TACC2: variants seen among roughly 807,000 people sequenced by gnomAD.
TACC2 encodes the protein transforming acidic coiled-coil containing protein 2.
In TACC2, 137 loss-of-function variants were observed where a neutral mutation model predicts 227.3. The observed-to-expected ratio is 0.60, with a 90% CI of 0.52 to 0.69. The LOEUF (loss-of-function observed/expected upper bound fraction) is 0.69, where lower values mean the gene tolerates loss of function less well. Ranked by LOEUF, TACC2 falls within the 30% of genes least tolerant of loss-of-function variation. The pLI is 0.00. For missense variants in TACC2, 3,470 were observed against 3,694.4 expected, an observed-to-expected ratio of 0.94 and a Z score of 1.57; for synonymous variants, 1,523 against 1,487.5, an observed-to-expected ratio of 1.02 and a Z score of -0.55.
chr10:122,089,092 CT>C (rs2080421201), intron 5 of TACC2, among the ~76,000 whole-genome samples: 1 of 152,186 alleles, frequency 6.6e-6, no homozygotes, highest in Admixed American at 6.5e-5. Flanking sequence ...GCACTCCACC[CT>C]GGGTGACAGA....
At chr10:122,248,543 C>T in intron 19 of TACC2, 100 bp from the exon 20 acceptor site, 2 of 1,386,454 alleles carry the variant, frequency 1.4e-6, no homozygotes, top group South Asian at 1.3e-5. Flanking sequence ...GAGATGCCCC[C>T]ACTGGTGAGG....
intron 1 of TACC2, among the ~76,000 whole-genome samples, chr10:121,999,509 C>T (rs559427197): frequency 6.6e-5 from 10 of 152,374 alleles, no homozygotes; most frequent in Non-Finnish European, 1.3e-4. Flanking sequence ...CTCATCGCCA[C>T]ATGTGTTCCA....
intron 7 of TACC2, among the ~76,000 whole-genome samples, chr10:122,173,713 G>A (rs959035169): frequency 3.3e-5 from 5 of 152,238 alleles, no homozygotes; most frequent in Admixed American, 1.3e-4. Context: ...TCCTTTGCCT[G>A]CCCTGCGAGA....
At chr10:122,099,858 T>C (rs914392003) in intron 5 of TACC2, among the ~76,000 whole-genome samples, 7 of 152,252 alleles carry the variant, frequency 4.6e-5, no homozygotes, top group African/African-American at 1.7e-4. Flanking sequence ...CAGGCTTCTG[T>C]TGAAGTGTTG....
Position 122,227,925 on chromosome 10 carries a change from T to C in TACC2, c.7813T>C (p.Ser2605Pro). Residue 2605 changes from serine (S) to proline (P), a missense_variant, in exon 14 of 23, where the codon TCA becomes CCA. Coordinates refer to ENST00000369005, the MANE Select transcript of TACC2 (RefSeq NM_206862.4). ...VPRGLAPNQE[S>P]HLQVPEKSSQ... Reference sequence around the variant, plus strand: ...ACGAGGACTGGCCCCTAACCAAGAGTCACACTTGCAGGTGCCAGAGAAATC... The same window carrying C: ...ACGAGGACTGGCCCCTAACCAAGAGCCACACTTGCAGGTGCCAGAGAAATC... The C allele has an allele frequency of 6.2e-7, 1 of 1,613,928 alleles. No homozygotes were observed.
intron 16 of TACC2, among the ~76,000 whole-genome samples, 160 bp from the exon 17 acceptor site, chr10:122,237,235 C>T (rs1312744194): frequency 1.3e-5 from 2 of 152,192 alleles, no homozygotes; most frequent in African/African-American, 2.4e-5. Context: ...AGACTGGACT[C>T]GGCATTTCCC....
chr10:122,070,147 A>G lies in TACC2; in HGVS notation c.147-12500A>G, dbSNP rs555620791. Among the ~76,000 whole-genome samples, 55 of 152,312 alleles carry G rather than the reference A, an allele frequency of 3.6e-4. 3 individuals are homozygous for G. The South Asian group carries it at 0.011, about 30-fold the overall frequency. ...CACATTTTTGAGCTCAGGACATAAG[A>G]GCTCAGTCTGAGACAGGTAACACCG... is the stretch of plus-strand genomic sequence containing the variant. On this transcript the variant is annotated intron_variant, in intron 3 of 22. Transcript: ENST00000369005.
At chr10:122,023,372 A>C (rs2135567152) in intron 2 of TACC2, 1 of 152,278 alleles carries the variant, frequency 6.6e-6, no homozygotes, top group South Asian at 2.1e-4. Flanking sequence ...AAGTGTCAAA[A>C]GAAAAGTTGT....
At chr10:122,201,199 GT>G (rs2094825411) in intron 8 of TACC2, among the ~76,000 whole-genome samples, 1 of 127,940 alleles carries the variant, frequency 7.8e-6, no homozygotes, top group Non-Finnish European at 1.7e-5. Context: ...CACATCTACA[GT>G]GAGAGGATGG....
intron 7 of TACC2, among the ~76,000 whole-genome samples, chr10:122,159,018 G>A (rs969648242): frequency 2.6e-5 from 4 of 152,208 alleles, no homozygotes; most frequent in South Asian, 2.1e-4. Flanking sequence ...GCAAGAAAGC[G>A]CCAAGGCATC....
At chr10:122,025,068 AT>A (rs1957814447) in intron 2 of TACC2, among the ~76,000 whole-genome samples, 1 of 152,096 alleles carries the variant, frequency 6.6e-6, no homozygotes. Context: ...CCTGGCTGTC[AT>A]TTGGTGGTGT....
intron 2 of TACC2, among the ~76,000 whole-genome samples, chr10:122,028,193 G>T (rs900096498): frequency 7.2e-6 from 1 of 138,930 alleles, no homozygotes; most frequent in African/African-American, 2.8e-5. Flanking sequence ...GGGTTCAAGC[G>T]ATTCTCCTGC....
rs949225568 is a variant in TACC2 at position 122,180,267 on chromosome 10, C to A, written c.5835-14773C>A. On this transcript the variant is annotated intron_variant, in intron 7 of 22. Transcript: ENST00000369005. The surrounding 1 kb of genome is among the most constrained non-coding windows in gnomAD (Gnocchi z 4.5). ...AAGCCCATTCCTTGAACCTGCCACC[C>A]TCCTTCCCCCTCCCACCTCAGGGCT... is the stretch of plus-strand genomic sequence containing the variant. Among the ~76,000 whole-genome samples, 1 of 152,086 alleles carries A rather than the reference C, an allele frequency of 6.6e-6. No homozygotes were observed. The highest frequency in any genetic ancestry group is 1.5e-5 in the Non-Finnish European group (1 of 68,020).
chr10:122,020,004 A>C (rs1395694456), intron 1 of TACC2: 1 of 152,184 alleles, frequency 6.6e-6, no homozygotes, highest in Admixed American at 6.6e-5. Flanking sequence ...CGGCGGTTTT[A>C]CAATTTACAC....
chr10:122,231,282 C>T (rs528288756), intron 16 of TACC2, among the ~76,000 whole-genome samples: 21 of 152,294 alleles, frequency 1.4e-4, no homozygotes, highest in Admixed American at 9.8e-4. Flanking sequence ...TCTCTGAGGG[C>T]GGCCTCGTTC....
At position 122,084,988 on chromosome 10, in the gene TACC2, C is replaced by T. The variant is rs10887063; in HGVS notation, c.2488C>T (p.Leu830Phe). Residue 830 changes from leucine to phenylalanine, a missense_variant, in exon 4 of 23, where the codon CTC becomes TTC. Transcript: ENST00000369005. ...GCCCCTACTATCTTCTGAGAAGCATCTCCAGCCATCCCAGGCACAACCAGA... is the reference window on the plus strand; with the variant it reads ...GCCCCTACTATCTTCTGAGAAGCATTTCCAGCCATCCCAGGCACAACCAGA... Reference protein sequence around the residue: ...EWPLLSSEKHLQPSQAQPETS... With the variant: ...EWPLLSSEKHFQPSQAQPETS... The T allele has an allele frequency of 0.19, 299,546 of 1,614,018 alleles. 29,310 individuals are homozygous for T. Among genetic ancestry groups the T allele is most frequent in the African/African-American group, 0.31 (23,527 of 74,972 alleles).
intron 2 of TACC2, among the ~76,000 whole-genome samples, chr10:122,024,235 G>A (rs1183611328): frequency 6.6e-6 from 1 of 152,048 alleles, no homozygotes; most frequent in Non-Finnish European, 1.5e-5. Flanking sequence ...GTGTGGTGGT[G>A]CACACCTGTA....
chr10:122,215,750 G>A (rs1435166760), intron 10 of TACC2, among the ~76,000 whole-genome samples: 4 of 152,140 alleles, frequency 2.6e-5, no homozygotes, highest in Admixed American at 6.5e-5. Flanking sequence ...TAGGACTGTC[G>A]AGATGAGAAA....
chr10:122,072,187 C>T (rs117139590), intron 3 of TACC2, among the ~76,000 whole-genome samples: 89 of 152,118 alleles, frequency 5.9e-4, no homozygotes, highest in Middle Eastern at 6.8e-3. Context: ...AATCTCCTGA[C>T]CTTGTGATCC....
Sources: allele counts gnomAD v4.1 joint callset (sites outside exome capture counted in the v4.1 genomes callset), GRCh38; gene constraint gnomAD v4.1.1; non-coding constraint Gnocchi (gnomAD v3.1); transcripts MANE v1.5; gene names NCBI Gene and HGNC (gene_info 2026-07-23, HGNC 2026-07-21).